Variants in BRAF observed in about 807,000 individuals in gnomAD.
BRAF encodes B-Raf proto-oncogene, serine/threonine kinase.
In BRAF, 16 loss-of-function variants were observed where a neutral mutation model predicts 104.6. The ratio of observed to expected loss-of-function variants is 0.15; its 90% CI spans 0.10 to 0.23. BRAF has a LOEUF of 0.23. BRAF is among the 10% of genes least tolerant of loss of function. The pLI, the probability that BRAF is intolerant of heterozygous loss-of-function variation, is 1.00. For missense variants in BRAF, 541 were observed against 937.3 expected (o/e 0.58, Z 5.52); for synonymous variants, 310 against 341.6 (o/e 0.91, Z 1.02).
chr7:140,775,627 C>T lies in BRAF; in HGVS notation c.1814+1285G>A, dbSNP rs377481243. Among the ~76,000 whole-genome samples the T allele has an allele frequency of 1.6e-4, 25 of 152,298 alleles. 1 individual carries two copies. The highest frequency in any genetic ancestry group is 5.8e-4 in the African/African-American group (24 of 41,562). ...GTTCTGGGATTACAAGTGTGAGCCA[C>T]TGTGCCTGGCCAAGATTTTAATTCT... is the stretch of plus-strand genomic sequence containing the variant. On this transcript the variant is annotated intron_variant, in intron 14 of 19. Transcript: ENST00000644969.
At chr7:140,887,405 C>T (rs1334527693) in intron 1 of BRAF, among the ~76,000 whole-genome samples, 6 of 152,198 alleles carry the variant, frequency 3.9e-5, no homozygotes, top group African/African-American at 1.4e-4. Context: ...GACCAACAAT[C>T]TTCCTTTAAA....
intron 3 of BRAF, among the ~76,000 whole-genome samples, chr7:140,814,766 AT>A (rs1482207126): frequency 7.2e-6 from 1 of 138,786 alleles, no homozygotes; most frequent in East Asian, 2.0e-4. Flanking sequence ...CATATATATT[AT>A]ATATAACATA....
chr7:140,808,123 A>C (rs369724755), intron 4 of BRAF, 61 bp from the exon 5 acceptor site: 3 of 1,291,722 alleles, frequency 2.3e-6, no homozygotes, highest in South Asian at 2.4e-5. Context: ...CATATACCTC[A>C]TGCTGAAGAT....
chr7:140,858,440 A>T (rs1267124051), intron 1 of BRAF, among the ~76,000 whole-genome samples: 2 of 152,232 alleles, frequency 1.3e-5, no homozygotes, highest in Admixed American at 6.5e-5. Context: ...TTGAAAGTCA[A>T]AGCCTTGGCA....
chr7:140,786,809 G>A (rs1801406962), intron 9 of BRAF, among the ~76,000 whole-genome samples: 1 of 152,170 alleles, frequency 6.6e-6, no homozygotes, highest in African/African-American at 2.4e-5. Flanking sequence ...CAATCTTTAA[G>A]TATCAGTGGA....
chr7:140,770,492 T>C (rs1417012339), intron 14 of BRAF, among the ~76,000 whole-genome samples: 1 of 99,142 alleles, frequency 1.0e-5, no homozygotes, highest in Non-Finnish European at 2.0e-5. Flanking sequence ...TTCAAAATCA[T>C]ACCATAAATA....
intron 1 of BRAF, among the ~76,000 whole-genome samples, chr7:140,852,806 A>G (rs1402476676): frequency 6.6e-6 from 1 of 152,172 alleles, no homozygotes; most frequent in Non-Finnish European, 1.5e-5. Context: ...AACATGTTCA[A>G]AGACTAACTT....
At chr7:140,910,526 G>A (rs180711560) in intron 1 of BRAF, among the ~76,000 whole-genome samples, 145 of 152,184 alleles carry the variant, frequency 9.5e-4, no homozygotes, top group South Asian at 8.1e-3. Flanking sequence ...TTATGAAGTA[G>A]AACTGCTTTG....
intron 1 of BRAF, among the ~76,000 whole-genome samples, chr7:140,852,138 G>A (rs1338158953): frequency 6.6e-6 from 1 of 152,060 alleles, no homozygotes; most frequent in Non-Finnish European, 1.5e-5. Flanking sequence ...GGAGGCCGAG[G>A]CAGGTGGATT....
rs1267614 is a variant in BRAF, at chr7:140,813,617, A to C, written c.505-4622T>G. Among the ~76,000 whole-genome samples the C allele has an allele frequency of 1.1e-4, 16 of 152,228 alleles. No individual in the cohort carries two copies. In the South Asian group the frequency reaches 1.5e-3, roughly 14 times the overall value. Reference sequence around the variant, plus strand: ...CAAAAGTCTAGAAAGAACCTGAATGACCATACACACATCACTGGTTAAATA... The same window carrying C: ...CAAAAGTCTAGAAAGAACCTGAATGCCCATACACACATCACTGGTTAAATA... On this transcript the variant is annotated intron_variant, in intron 3 of 19. Transcript: ENST00000644969.
intron 8 of BRAF, among the ~76,000 whole-genome samples, chr7:140,788,840 C>T (rs1015890632): frequency 2.0e-5 from 3 of 151,944 alleles, no homozygotes; most frequent in Admixed American, 6.6e-5. Context: ...CCGTCCACCT[C>T]AGCCTCCCAA....
intron 1 of BRAF, among the ~76,000 whole-genome samples, chr7:140,891,467 T>C (rs1814207776): frequency 1.3e-5 from 2 of 152,228 alleles, no homozygotes; most frequent in Non-Finnish European, 1.5e-5. Flanking sequence ...GTTATATAAA[T>C]AGTTGTTATA....
In BRAF at chr7:140,864,826, GAGA is replaced by G. The variant is rs540103785; in HGVS notation, c.139-14617_139-14615del. Among the ~76,000 whole-genome samples the G allele has an allele frequency of 1.3e-3, 198 of 152,290 alleles. 1 individual carries two copies. The highest frequency in any genetic ancestry group is 2.1e-3 in the Non-Finnish European group (142 of 68,022). ...TGGCTAAAGGGAATTTAATCGAGGG[GAGA>G]AGAATGATATGGAAGACAGAGATGC... On this transcript the variant is annotated intron_variant, in intron 1 of 19. Transcript: ENST00000644969.
chr7:140,834,840 T>C lies in BRAF; in HGVS notation c.273A>G (p.Ala91=), dbSNP rs542419443. The C allele has an allele frequency of 1.2e-6, 2 of 1,614,158 alleles. No individual in the cohort carries two copies. Among genetic ancestry groups the C allele is most frequent in the East Asian group, 2.2e-5 (1 of 44,888 alleles). Residue 91 remains alanine, a synonymous_variant, in exon 3 of 20, where the codon GCA becomes GCG. Coordinates refer to ENST00000644969, the MANE Select transcript of BRAF (RefSeq NM_001374258.1). The part of the protein sequence containing the change: ...AYEEYTSKLD[A]LQQREQQLLE... ...ATAACTGTTGTTCTCTTTGTTGGAG[T>C]GCATCTAGCTTGCTGGTGTATTCTT...
intron 5 of BRAF, among the ~76,000 whole-genome samples, chr7:140,802,767 C>A (rs962951530): frequency 1.3e-5 from 2 of 151,732 alleles, no homozygotes; most frequent in Admixed American, 6.6e-5. Flanking sequence ...AAAAATTAAA[C>A]CTTAGTTTAA....
intron 1 of BRAF, among the ~76,000 whole-genome samples, chr7:140,913,836 A>G (rs1202054312): frequency 6.6e-6 from 1 of 152,132 alleles, no homozygotes; most frequent in African/African-American, 2.4e-5. Context: ...TTTCCTATAA[A>G]TGGAACAGTC....
intron 19 of BRAF, chr7:140,731,770 T>A (rs1338967503): frequency 6.6e-6 from 1 of 152,210 alleles, no homozygotes; most frequent in African/African-American, 2.4e-5. Context: ...CCTGTGATCC[T>A]GAAACTATTT....
chr7:140,799,046 G>A (rs1165481129), intron 7 of BRAF: 1 of 177,412 alleles, frequency 5.6e-6, no homozygotes, highest in Non-Finnish European at 1.2e-5. Context: ...TAGAGACAGG[G>A]TTTCACCATG....
intron 17 of BRAF, among the ~76,000 whole-genome samples, chr7:140,745,831 C>T (rs1041737544): frequency 6.6e-6 from 1 of 152,218 alleles, no homozygotes; most frequent in Admixed American, 6.5e-5. Context: ...TGATAAGAGA[C>T]TAGTACTTAC....
Sources: allele counts gnomAD v4.1 joint callset (sites outside exome capture counted in the v4.1 genomes callset), GRCh38; gene constraint gnomAD v4.1.1; transcripts MANE v1.5; gene names NCBI Gene and HGNC (gene_info 2026-07-23, HGNC 2026-07-21).